The following ZNF823 variants were observed in gnomAD, a reference collection of about 807,000 sequenced individuals.
The protein encoded by ZNF823 is zinc finger protein 823.
ZNF823 carries 5 observed loss-of-function variants against 11.4 expected under a neutral mutation model. The ratio of observed to expected loss-of-function variants is 0.44; its 90% CI spans 0.23 to 0.92. The LOEUF (loss-of-function observed/expected upper bound fraction) is 0.92. Among genes scored for constraint, ZNF823 ranks in the 40% least tolerant of loss-of-function variants. The pLI is 0.24. For missense variants in ZNF823, 582 were observed against 738.5 expected, an observed-to-expected ratio of 0.79 and a Z score of 2.46; for synonymous variants, 234 against 250.5, an observed-to-expected ratio of 0.93 and a Z score of 0.62.
intron 1 of ZNF823, among the ~76,000 whole-genome samples, chr19:11,736,838 G>A (rs1975000407): frequency 2.0e-5 from 3 of 150,170 alleles, no homozygotes; most frequent in Admixed American, 2.0e-4. Flanking sequence ...ACCCTCCAAG[G>A]AGAAGCTCCC....
At position 11,722,174 on chromosome 19, in the gene ZNF823, C is replaced by T. The variant is rs1327562389; in HGVS notation, c.1360G>A (p.Asp454Asn). 6.2e-7 allele frequency: 1 copy of T among 1,613,786 alleles called. No homozygotes were observed. The highest frequency in any genetic ancestry group is 1.3e-5 in the African/African-American group (1 of 74,824). ...YKCQCGKAFS[D>N]LSSFQNHETT... ...TCATGATTTTGAAAGGAAGAGAGATCACTAAAGGCTTTCCCACACTGACAT... is the reference window on the plus strand; with the variant it reads ...TCATGATTTTGAAAGGAAGAGAGATTACTAAAGGCTTTCCCACACTGACAT... The change falls in exon 4 of 4, where the codon GAT (aspartate) becomes AAT (asparagine). Residue 454 changes from aspartate (D) to asparagine (N), a missense_variant. This residue lies in a region of ZNF823 where 9 missense variants were observed against 30.5 expected (regional missense o/e 0.29). Transcript: ENST00000341191. This position sits in a 1 kb window ranked among gnomAD's most constrained non-coding sequence, Gnocchi z 5.2.
At chr19:11,737,161 C>G (rs779879404) in intron 1 of ZNF823, among the ~76,000 whole-genome samples, 2 of 152,206 alleles carry the variant, frequency 1.3e-5, no homozygotes, top group African/African-American at 2.4e-5. Flanking sequence ...GGTGGGCTGA[C>G]AGATCACCCT....
chr19:11,721,920 C>T lies in ZNF823; in HGVS notation c.1614G>A (p.Trp538Ter). Residue 538 changes from tryptophan to a stop codon, truncating the protein, a stop_gained, in exon 4 of 4, where the codon TGG becomes TGA. Coordinates refer to ENST00000341191, the MANE Select transcript of ZNF823 (RefSeq NM_001080493.4). LOFTEE classifies it low-confidence loss of function (END_TRUNC). Reference sequence around the variant, plus strand: ...TTTCATGTCGTAGAAGGCAAGTGAGCCAAGAGAATGCTTTTCCACATTCCT... The same window carrying T: ...TTTCATGTCGTAGAAGGCAAGTGAGTCAAGAGAATGCTTTTCCACATTCCT... ...ECKECGKAFS[W>*]LTCLLRHERI... The T allele has an allele frequency of 1.2e-6, 2 of 1,613,128 alleles. No homozygotes were observed. The highest frequency in any genetic ancestry group is 1.1e-5 in the South Asian group (1 of 90,988).
At chr19:11,729,925 CTT>C (rs779919063) in intron 1 of ZNF823, among the ~76,000 whole-genome samples, 3 of 143,020 alleles carry the variant, frequency 2.1e-5, no homozygotes, top group South Asian at 2.2e-4. Flanking sequence ...AGTAAAGAAT[CTT>C]TTTTTTTTTT....
intron 1 of ZNF823, among the ~76,000 whole-genome samples, chr19:11,737,265 T>TC (rs1245904521): frequency 1.3e-5 from 2 of 152,146 alleles, no homozygotes; most frequent in Non-Finnish European, 2.9e-5. Flanking sequence ...ATTTTTTTTT[T>TC]CTTTTTCTTT....
intron 1 of ZNF823, among the ~76,000 whole-genome samples, chr19:11,731,925 T>C (rs559005845): frequency 6.6e-6 from 1 of 150,844 alleles, no homozygotes; most frequent in East Asian, 2.0e-4. Flanking sequence ...AGGAGAATCG[T>C]TTGAACCCGT....
chr19:11,721,720 T>C lies in ZNF823; in HGVS notation c.1814A>G (p.His605Arg). 1 of 1,610,916 alleles carries C rather than the reference T, an allele frequency of 6.2e-7. No individual in the cohort carries two copies. The highest frequency in any genetic ancestry group is 8.5e-7 in the Non-Finnish European group (1 of 1,178,430). The stretch of plus-strand genomic sequence containing the variant: ...ATACATTTAGAGAGTATCTTTCCAG[T>C]GAGTCCTTTTATGTCTATGCAAGGA... ...LRSLHRHKRTHWKDTL is the reference protein window; with the variant it reads ...LRSLHRHKRTRWKDTL Residue 605 changes from histidine (H) to arginine (R), a missense_variant, in exon 4 of 4, where the codon CAC (histidine) becomes CGC (arginine). Physicochemically the swap from His to Arg is conservative, Grantham distance 29 (BLOSUM62 0). Around this residue, in one of 3 missense-constraint regions of ZNF823, gnomAD observed 144 missense variants for 154.3 expected, o/e 0.93. Transcript: ENST00000341191.
chr19:11,731,194 C>T (rs575979697), intron 1 of ZNF823, among the ~76,000 whole-genome samples: 2 of 151,936 alleles, frequency 1.3e-5, no homozygotes, highest in South Asian at 2.1e-4. Context: ...TGCCTGTAAT[C>T]GCAGCTTCTC....
In ZNF823 at chr19:11,724,179, G is replaced by C. The variant is rs770489066; in HGVS notation, c.191+15C>G. The C allele has an allele frequency of 6.3e-7, 1 of 1,599,850 alleles. No homozygotes were observed. The highest frequency in any genetic ancestry group is 1.1e-5 in the South Asian group (1 of 88,666). Reference sequence around the variant, plus strand: ...CACTGCAGGGACATAGCTTTCTTTTGTGGGTGCAAATTACCTTAGATTTCT... The same window carrying C: ...CACTGCAGGGACATAGCTTTCTTTTCTGGGTGCAAATTACCTTAGATTTCT... On this transcript the variant is annotated intron_variant, in intron 3 of 3. Transcript: ENST00000341191.
At chr19:11,732,103 TCAA>T (rs1025126235) in intron 1 of ZNF823, among the ~76,000 whole-genome samples, 2 of 150,814 alleles carry the variant, frequency 1.3e-5, no homozygotes, top group African/African-American at 2.4e-5. Flanking sequence ...AAAGGATTTC[TCAA>T]CAACAGCCAA....
chr19:11,726,287 C>CATATATATATATATATATAT (rs139368397), intron 1 of ZNF823, among the ~76,000 whole-genome samples: 17 of 112,220 alleles, frequency 1.5e-4, no homozygotes, highest in African/African-American at 3.9e-4. Flanking sequence ...ATAAAAAATA[C>CATATATATATATATATATAT]ATATATATAT....
At chr19:11,738,610 G>A (rs1379247346) in intron 1 of ZNF823, among the ~76,000 whole-genome samples, 4 of 152,248 alleles carry the variant, frequency 2.6e-5, no homozygotes, top group Non-Finnish European at 5.9e-5. Context: ...CGGCCGAGCA[G>A]GGACGGGACA....
At position 11,738,925 on chromosome 19, in the gene ZNF823, A is replaced by G. The variant is rs1214830348; in HGVS notation, c.-106T>C. On this transcript the variant is annotated 5_prime_UTR_variant, in exon 1 of 4. Transcript: ENST00000341191. The stretch of plus-strand genomic sequence containing the variant: ...CAGGGCGTCTCTCTCTCAGCGCCAG[A>G]GCCAGGACTCAGAGCGCAGGGGCGT... The G allele has an allele frequency of 7.0e-7, 1 of 1,432,068 alleles. No homozygotes were observed. The highest frequency in any genetic ancestry group is 1.5e-5 in the African/African-American group (1 of 68,654). 88.7% of individuals were successfully genotyped at this position (1,432,068 alleles called of 1,614,324 possible).
Position 11,722,470 on chromosome 19 carries a change from G to A in ZNF823, c.1064C>T (p.Thr355Ile). 6.2e-7 allele frequency: 1 copy of A among 1,614,226 alleles called. No individual in the cohort carries two copies. The highest frequency in any genetic ancestry group is 2.2e-5 in the East Asian group (1 of 44,882). Residue 355 changes from threonine to isoleucine, a missense_variant, in exon 4 of 4, where the codon ACT becomes ATT. This residue lies in a region of ZNF823 where 429 missense variants were observed against 553.7 expected (regional missense o/e 0.77). Transcript: ENST00000341191. The surrounding 1 kb of genome is among the most constrained non-coding windows in gnomAD (Gnocchi z 5.2). ...CTTACATTCATAGGGTTTCTCTCCAGTGTGAGTAGTTTCATGATTTCGAAC... is the reference window on the plus strand; with the variant it reads ...CTTACATTCATAGGGTTTCTCTCCAATGTGAGTAGTTTCATGATTTCGAAC... ...SSVRNHETTH[T>I]GEKPYECKQC...
intron 1 of ZNF823, among the ~76,000 whole-genome samples, 200 bp from the exon 2 acceptor site, chr19:11,725,527 A>G (rs1974774663): frequency 6.6e-6 from 1 of 152,252 alleles, no homozygotes; most frequent in African/African-American, 2.4e-5. Flanking sequence ...TTGGTAAAGT[A>G]ACAGTCGAAT....
chr19:11,728,282 G>C (rs1182253267), intron 1 of ZNF823, among the ~76,000 whole-genome samples: 1 of 152,058 alleles, frequency 6.6e-6, no homozygotes, highest in East Asian at 1.9e-4. Context: ...TCAACCACCT[G>C]GAACAACAGA....
At chr19:11,734,631 G>A (rs1038503072) in intron 1 of ZNF823, among the ~76,000 whole-genome samples, 3 of 152,066 alleles carry the variant, frequency 2.0e-5, no homozygotes, top group African/African-American at 7.2e-5. Context: ...TCCACCTCCC[G>A]GGTTCAAGCG....
intron 1 of ZNF823, among the ~76,000 whole-genome samples, chr19:11,730,973 T>C (rs1974882328): frequency 7.4e-6 from 1 of 135,004 alleles, no homozygotes; most frequent in Admixed American, 8.1e-5. Flanking sequence ...GACAGCAGCA[T>C]GAATCAAACA....
intron 1 of ZNF823, among the ~76,000 whole-genome samples, chr19:11,733,356 A>C (rs1484188454): frequency 7.7e-6 from 1 of 130,054 alleles, no homozygotes; most frequent in East Asian, 2.3e-4. Flanking sequence ...ACAGAGTGAG[A>C]CTCCATCTCA....
Sources: gnomAD v4.1 joint callset for allele counts (sites outside exome capture counted in the v4.1 genomes callset) on GRCh38, gnomAD v4.1.1 for gene constraint, gnomAD v4.1.1 regional missense constraint, Gnocchi (gnomAD v3.1) non-coding constraint, MANE v1.5 for transcripts, NCBI Gene and HGNC (gene_info 2026-07-23, HGNC 2026-07-21) for gene names.